TRA2B: variants seen among roughly 807,000 people sequenced by gnomAD.
TRA2B encodes transformer 2 beta homolog.
Under a neutral mutation model 41.7 loss-of-function variants are expected in TRA2B, and 14 were observed. That is an observed-to-expected ratio of 0.34 (90% confidence interval 0.22 to 0.53). The LOEUF (loss-of-function observed/expected upper bound fraction) is 0.53, where lower values mean the gene tolerates loss of function less well. Ranked by LOEUF, TRA2B falls within the 20% of genes least tolerant of loss-of-function variation. The pLI is 0.95. For missense variants in TRA2B, 167 were observed against 396.8 expected (o/e 0.42, Z 4.92); for synonymous variants, 130 against 128.8 (o/e 1.01, Z -0.06).
rs924794312 is a variant in TRA2B at position 185,925,778 on chromosome 3, ATTAT to A, written c.171-156_171-153del. On this transcript the variant is annotated intron_variant, in intron 2 of 8. Coordinates refer to ENST00000453386, the MANE Select transcript of TRA2B (RefSeq NM_004593.3). ...GTAGGATCAATACTTTTCTTCTCTA[ATTAT>A]TTAGTCATTTCAACTTTGCTAGGAA... 1.3e-5 allele frequency: 10 copies of A among 796,250 alleles called. No individual in the cohort carries two copies. The African/African-American group carries it at 1.4e-4, about 11-fold the overall frequency. The allele number at this position is 796,250 out of a possible 1,614,324, so 49.3% of individuals were successfully genotyped here. A position where few individuals can be genotyped will look rare whatever the true frequency, so the allele number is the denominator to read the frequency against.
rs1040832047 is a variant in TRA2B, at chr3:185,935,183, T to C, written c.36+2642A>G. The stretch of plus-strand genomic sequence containing the variant: ...GCCTCTTTTTACAAAGAAATGGTGC[T>C]AGTCAACCCCTTTACAAAATGCAAG... On this transcript the variant is annotated intron_variant, in intron 1 of 8. Coordinates refer to ENST00000453386, the MANE Select transcript of TRA2B (RefSeq NM_004593.3). The C allele has an allele frequency of 2.7e-5, 27 of 985,438 alleles. No individual in the cohort carries two copies. In the South Asian group the frequency reaches 8.0e-4, roughly 29 times the overall value. The allele number at this position is 985,438 out of a possible 1,614,324, so 61.0% of individuals were successfully genotyped here.
rs1041986671 is a variant in TRA2B at position 185,937,709 on chromosome 3, G to A, written c.36+116C>T. ...TGCTGTCTCCCTTGCCTGCCCTCCC[G>A]GCTTCAGACTTCGGAGCCTAAAACG... On this transcript the variant is annotated intron_variant, in intron 1 of 8. Coordinates refer to ENST00000453386, the MANE Select transcript of TRA2B (RefSeq NM_004593.3). The A allele has an allele frequency of 7.7e-6, 11 of 1,437,870 alleles. No individual in the cohort carries two copies. In the African/African-American group the frequency reaches 1.4e-4, roughly 18 times the overall value. The allele number at this position is 1,437,870 out of a possible 1,614,324, so 89.1% of individuals were successfully genotyped here. A position where few individuals can be genotyped will look rare whatever the true frequency, so the allele number is the denominator to read the frequency against.
chr3:185,937,898 C>G lies in TRA2B; in HGVS notation c.-38G>C. On this transcript the variant is annotated 5_prime_UTR_variant, in exon 1 of 9. Transcript: ENST00000453386. ...CTGTCGCCGGTCGATGTGCTTCAAT[C>G]GAAGCTGCCAACCTCTTGCACCTTC... 6.2e-7 allele frequency: 1 copy of G among 1,612,958 alleles called. No homozygotes were observed. The highest frequency in any genetic ancestry group is 8.5e-7 in the Non-Finnish European group (1 of 1,179,794).
chr3:185,937,785 C>T, intron 1 of TRA2B, 40 bp downstream of exon 1: 1 of 1,613,966 alleles, frequency 6.2e-7, no homozygotes, highest in Non-Finnish European at 8.5e-7. Flanking sequence ...ATGCAAGGAG[C>T]TAGGACCACA....
intron 5 of TRA2B, among the ~76,000 whole-genome samples, chr3:185,921,758 C>T (rs993528722): frequency 1.4e-4 from 21 of 152,160 alleles, no homozygotes; most frequent in African/African-American, 3.6e-4. Context: ...AGCAAGACTC[C>T]GTCTCAAAAC....
intron 1 of TRA2B, chr3:185,936,220 G>T: frequency 1.0e-6 from 1 of 985,330 alleles, no homozygotes. Context: ...AATAACAAAA[G>T]ACTTTAAAAT....
At chr3:185,934,296 A>C in intron 1 of TRA2B, 3 of 979,450 alleles carry the variant, frequency 3.1e-6, no homozygotes, top group Non-Finnish European at 3.6e-6. Flanking sequence ...TGAAAGCATT[A>C]ATATTTACCA....
At chr3:185,936,428 T>C in intron 1 of TRA2B, 11 of 985,340 alleles carry the variant, frequency 1.1e-5, no homozygotes, top group Non-Finnish European at 1.3e-5. Context: ...AACTAAAAAC[T>C]CTATGCTCAT....
chr3:185,923,729 T>A (rs1743830581), intron 4 of TRA2B, 67 bp downstream of exon 4: 4 of 1,427,588 alleles, frequency 2.8e-6, no homozygotes, highest in Non-Finnish European at 2.8e-6. Context: ...ATCCTAGCAA[T>A]TGGTCACTGA....
rs148324356 is a variant in TRA2B, at chr3:185,923,528, C to A, written c.522+268G>T. ...TATTTTTGACTCTAGAATGTGAACC[C>A]AGTGTAAACACTGACTACATATCCT... On this transcript the variant is annotated intron_variant, in intron 4 of 8. Transcript: ENST00000453386. 2.0e-3 allele frequency: 533 copies of A among 268,562 alleles called. 2 individuals carry two copies. The highest frequency in any genetic ancestry group is 0.01 in the African/African-American group (463 of 45,776). The allele number at this position is 268,562 out of a possible 1,614,324, so 16.6% of individuals were successfully genotyped here.
Position 185,918,390 on chromosome 3 carries a change from A to T in TRA2B, c.831T>A (p.Arg277=). The change falls in exon 8 of 9, where the codon CGT becomes CGA. Residue 277 remains arginine (R), a synonymous_variant. Coordinates refer to ENST00000453386, the MANE Select transcript of TRA2B (RefSeq NM_004593.3). The part of the protein sequence containing the change: ...PYYSRGGYRS[R]SRSRSYSPRR... ...GAGGTGAGTATGATCGAGATCTGGA[A>T]CGTGATCTGTATCCTCCACGACTAT... 1 of 1,613,832 alleles carries T rather than the reference A, an allele frequency of 6.2e-7. No homozygotes were observed. The highest frequency in any genetic ancestry group is 1.1e-5 in the South Asian group (1 of 91,054).
intron 1 of TRA2B, 88 bp from the exon 2 acceptor site, chr3:185,926,822 C>T (rs1743970765): frequency 1.3e-6 from 2 of 1,490,532 alleles, no homozygotes; most frequent in Admixed American, 2.0e-5. Flanking sequence ...TGGTGAGGGA[C>T]AGCAATCCCC....
In TRA2B at chr3:185,919,179, A is replaced by G. The variant is rs548726255; in HGVS notation, c.782+258T>C. ...ATACAAGAACATAATGACAAAAAAA[A>G]TGAGTTATCAGTGACTAACATCACT... On this transcript the variant is annotated intron_variant, in intron 7 of 8. Transcript: ENST00000453386. 1.4e-4 allele frequency among the ~76,000 whole-genome samples: 16 copies of G among 116,532 alleles called. 1 individual carries two copies. The highest frequency in any genetic ancestry group is 5.1e-4 in the African/African-American group (13 of 25,668). 76.4% of individuals were successfully genotyped at this position (116,532 alleles called of 152,430 possible).
rs1281078235 is a variant in TRA2B at position 185,916,744 on chromosome 3, T to TTTTTC, written c.*966_*970dup. Reference sequence around the variant, plus strand: ...TTCTTTGTGAACAGCTGCACCAACATTTTTCTTTTCATTTGCGTTTATTTA... The same window carrying TTTTTC: ...TTCTTTGTGAACAGCTGCACCAACATTTTTCTTTTCTTTTCATTTGCGTTTATTTA... On this transcript the variant is annotated 3_prime_UTR_variant, in exon 9 of 9. Coordinates refer to ENST00000453386, the MANE Select transcript of TRA2B (RefSeq NM_004593.3). 1 of 152,618 alleles carries TTTTTC rather than the reference T, an allele frequency of 6.6e-6. No individual in the cohort carries two copies. The highest frequency in any genetic ancestry group is 1.5e-5 in the Non-Finnish European group (1 of 68,030). The allele number at this position is 152,618 out of a possible 1,614,324, so 9.5% of individuals were successfully genotyped here. A position where few individuals can be genotyped will look rare whatever the true frequency, so the allele number is the denominator to read the frequency against.
chr3:185,923,818 T>C lies in TRA2B; in HGVS notation c.500A>G (p.Glu167Gly). 1.2e-6 allele frequency: 2 copies of C among 1,610,866 alleles called. No homozygotes were observed. Among genetic ancestry groups the C allele is most frequent in the Non-Finnish European group, 1.7e-6 (2 of 1,179,024 alleles). The change falls in exon 4 of 9, where the codon GAA becomes GGA. Residue 167 changes from glutamate (E) to glycine (G), a missense_variant. Glu to Gly is a moderately conservative substitution (Grantham distance 98). Transcript: ENST00000453386. ...RSRGFAFVYF[E>G]NVDDAKEAKE... ...TACTTCCTTGGCATCATCTACATTT[T>C]CAAAATATACAAAGGCAAATCCTCT...
chr3:185,934,639 G>T, intron 1 of TRA2B: 1 of 985,344 alleles, frequency 1.0e-6, no homozygotes, highest in East Asian at 1.1e-4. Context: ...TGGTGAGATG[G>T]CTGCAATTCT....
intron 2 of TRA2B, 58 bp from the exon 3 acceptor site, chr3:185,925,684 A>C (rs1743919739): frequency 1.3e-6 from 2 of 1,532,498 alleles, no homozygotes; most frequent in Non-Finnish European, 1.8e-6. Flanking sequence ...CTTCTTTATT[A>C]CTCTGTTCTA....
intron 1 of TRA2B, chr3:185,937,006 CG>C: frequency 1.0e-6 from 1 of 985,390 alleles, no homozygotes; most frequent in Non-Finnish European, 1.2e-6. Flanking sequence ...ATAACGGCGC[CG>C]TAAATGGTTG....
chr3:185,920,031 T>C (rs1342040555), intron 6 of TRA2B, among the ~76,000 whole-genome samples: 1 of 152,160 alleles, frequency 6.6e-6, no homozygotes, highest in Non-Finnish European at 1.5e-5. Flanking sequence ...ATGTCACAAT[T>C]TTACTTCATT....
Sources: gnomAD v4.1 joint callset for allele counts (sites outside exome capture counted in the v4.1 genomes callset) on GRCh38, gnomAD v4.1.1 for gene constraint, MANE v1.5 for transcripts, NCBI Gene and HGNC (gene_info 2026-07-23, HGNC 2026-07-21) for gene names.